The following KIRREL3 variants were observed in gnomAD, a reference collection of about 807,000 sequenced individuals.
The protein encoded by KIRREL3 is kirre like nephrin family adhesion molecule 3.
A neutral mutation model predicts 89.7 loss-of-function variants in KIRREL3; 36 were observed. The observed-to-expected ratio is 0.40, with a 90% CI of 0.31 to 0.53. The LOEUF is 0.53. Among genes scored for constraint, KIRREL3 ranks in the 20% least tolerant of loss-of-function variants. The pLI, the probability that KIRREL3 is intolerant of heterozygous loss-of-function variation, is 0.49. For synonymous variants in KIRREL3, 445 were observed against 441.4 expected (o/e 1.01, Z -0.10); for missense variants, 864 against 1,056.6 (o/e 0.82, Z 2.53).
At position 126,599,315 on chromosome 11, in the gene KIRREL3, C is replaced by T. The variant is rs143952735; in HGVS notation, c.56-36403G>A. On this transcript the variant is annotated intron_variant, in intron 1 of 16. Transcript: ENST00000525144. ...TTGTCTCAGCCGCATTGTCCCTGCT[C>T]GGTGTCTTGGCCCCTAATGGACTCT... 2.1e-4 allele frequency among the ~76,000 whole-genome samples: 32 copies of T among 152,342 alleles called. No individual in the cohort carries two copies. In the East Asian group the frequency reaches 4.1e-3, roughly 19 times the overall value.
In KIRREL3 at chr11:126,897,795, T is replaced by C. The variant is rs1204470508; in HGVS notation, c.55+102660A>G. Among the ~76,000 whole-genome samples, 1 of 152,230 alleles carries C rather than the reference T, an allele frequency of 6.6e-6. No individual in the cohort carries two copies. The highest frequency in any genetic ancestry group is 6.5e-5 in the Admixed American group (1 of 15,282). ...GAAAAAGAATTTAATGACCCTCTGA[T>C]ATAAAATTGATCCTCTGATAAGATG... On this transcript the variant is annotated intron_variant, in intron 1 of 16. Coordinates refer to ENST00000525144, the MANE Select transcript of KIRREL3 (RefSeq NM_032531.4). The surrounding 1 kb of genome is among the most constrained non-coding windows in gnomAD (Gnocchi z 4.2).
In KIRREL3 at chr11:126,965,920, A is replaced by G. The variant is rs912305416; in HGVS notation, c.55+34535T>C. ...TAGGTACTTGAGTGGACTGGCCTCA[A>G]CTTGTAGAATTTAGAGTTTTCAAAG... On this transcript the variant is annotated intron_variant, in intron 1 of 16. Transcript: ENST00000525144. The surrounding 1 kb of genome is among the most constrained non-coding windows in gnomAD (Gnocchi z 4.4). Among the ~76,000 whole-genome samples, 2 of 152,148 alleles carry G rather than the reference A, an allele frequency of 1.3e-5. No homozygotes were observed. The highest frequency in any genetic ancestry group is 2.9e-5 in the Non-Finnish European group (2 of 68,022).
chr11:126,567,072 G>A (rs1444450008), intron 1 of KIRREL3, among the ~76,000 whole-genome samples: 4 of 152,326 alleles, frequency 2.6e-5, no homozygotes, highest in Admixed American at 6.5e-5. Context: ...ACAGATCAGC[G>A]GTGTGGGCTG....
rs573190130 is a variant in KIRREL3 at position 126,850,829 on chromosome 11, G to A, written c.55+149626C>T. On this transcript the variant is annotated intron_variant, in intron 1 of 16. Transcript: ENST00000525144. Reference sequence around the variant, plus strand: ...ATAGATTAGGATCCTGGAGTACTCTGCCTGGGAGAAACCTTCAACTGGTTC... The same window carrying A: ...ATAGATTAGGATCCTGGAGTACTCTACCTGGGAGAAACCTTCAACTGGTTC... Among the ~76,000 whole-genome samples the A allele has an allele frequency of 2.0e-5, 3 of 152,318 alleles. No homozygotes were observed. In the East Asian group the frequency reaches 5.8e-4, roughly 29 times the overall value.
intron 1 of KIRREL3, among the ~76,000 whole-genome samples, chr11:126,799,360 ATC>A (rs1950936901): frequency 4.8e-5 from 1 of 20,684 alleles, no homozygotes; most frequent in Non-Finnish European, 1.0e-4. Flanking sequence ...CTCTGTGTGT[ATC>A]TGTGTATCTG....
In KIRREL3 at chr11:126,541,978, C is replaced by T. The variant is rs137914823; in HGVS notation, c.134-15291G>A. ...CGGTGGAGGCAGAGCTGAGGCAGCG[C>T]GGGAAGGACCGAGTCCTGCCCTCGG... On this transcript the variant is annotated intron_variant, in intron 2 of 16. Transcript: ENST00000525144. The surrounding 1 kb of genome is among the most constrained non-coding windows in gnomAD (Gnocchi z 4.8). Among the ~76,000 whole-genome samples, 12 of 152,320 alleles carry T rather than the reference C, an allele frequency of 7.9e-5. No homozygotes were observed. The highest frequency in any genetic ancestry group is 3.9e-4 in the East Asian group (2 of 5,190).
intron 1 of KIRREL3, among the ~76,000 whole-genome samples, chr11:126,751,060 A>G (rs1949319286): frequency 6.6e-6 from 1 of 152,242 alleles, no homozygotes; most frequent in Admixed American, 6.5e-5. Context: ...GACCAAATGT[A>G]TTTTATCTTA....
chr11:126,883,546 C>T lies in KIRREL3; in HGVS notation c.55+116909G>A, dbSNP rs899580315. Among the ~76,000 whole-genome samples, 5 of 152,066 alleles carry T rather than the reference C, an allele frequency of 3.3e-5. No individual in the cohort carries two copies. Among genetic ancestry groups the T allele is most frequent in the African/African-American group, 9.7e-5 (4 of 41,396 alleles). ...CTTCTCCACCTGGAAAAAATCCAAA[C>T]CTTTGATGAAGTTTGGGTAAAGTCA... On this transcript the variant is annotated intron_variant, in intron 1 of 16. Coordinates refer to ENST00000525144, the MANE Select transcript of KIRREL3 (RefSeq NM_032531.4). The surrounding 1 kb of genome is among the most constrained non-coding windows in gnomAD (Gnocchi z 4.1).
At chr11:126,716,891 G>A (rs1411289561) in intron 1 of KIRREL3, among the ~76,000 whole-genome samples, 2 of 151,972 alleles carry the variant, frequency 1.3e-5, no homozygotes, top group African/African-American at 4.8e-5. Context: ...CTTGTTGGCT[G>A]CTGACTCATT....
chr11:126,721,074 A>T (rs1948152938), intron 1 of KIRREL3, among the ~76,000 whole-genome samples: 1 of 152,242 alleles, frequency 6.6e-6, no homozygotes, highest in South Asian at 2.1e-4. Flanking sequence ...GCTGAGAGCC[A>T]AAGTGTTTTC....
rs558513043 is a variant in KIRREL3 at position 126,528,231 on chromosome 11, C to T, written c.134-1544G>A. On this transcript the variant is annotated intron_variant, in intron 2 of 16. Transcript: ENST00000525144. This position sits in a 1 kb window ranked among gnomAD's most constrained non-coding sequence, Gnocchi z 4.6. The stretch of plus-strand genomic sequence containing the variant: ...AGCTGCTGATGCTGTGGCCTCTCCT[C>T]CCCAACCCGGGAGAGTCAGGGGCAG... Among the ~76,000 whole-genome samples the T allele has an allele frequency of 2.6e-5, 4 of 152,344 alleles. No individual in the cohort carries two copies. In the South Asian group the frequency reaches 6.2e-4, roughly 24 times the overall value.
rs1038091174 is a variant in KIRREL3, at chr11:126,656,880, C to T, written c.56-93968G>A. 7.9e-5 allele frequency among the ~76,000 whole-genome samples: 12 copies of T among 151,944 alleles called. No individual in the cohort carries two copies. The highest frequency in any genetic ancestry group is 1.6e-4 in the Non-Finnish European group (11 of 67,988). ...CAGCCTGGCTGTCGTGGTGGGACCC[C>T]GTCTCTACTAGGAATACAGGGGTTG... On this transcript the variant is annotated intron_variant, in intron 1 of 16. Transcript: ENST00000525144. The surrounding 1 kb of genome is among the most constrained non-coding windows in gnomAD (Gnocchi z 4.0).
chr11:126,497,808 CCG>C (rs1468526267), intron 4 of KIRREL3, among the ~76,000 whole-genome samples: 1 of 152,196 alleles, frequency 6.6e-6, no homozygotes, highest in East Asian at 1.9e-4. Flanking sequence ...GGCCCCTATA[CCG>C]GTCCTGGGTG....
At chr11:126,438,669 A>G (rs1362705960) in intron 11 of KIRREL3, among the ~76,000 whole-genome samples, 1 of 152,262 alleles carries the variant, frequency 6.6e-6, no homozygotes, top group East Asian at 1.9e-4. Context: ...ATTTATAATT[A>G]AAAACATCAA....
At position 126,520,372 on chromosome 11, in the gene KIRREL3, C is replaced by T. The variant is rs997529670; in HGVS notation, c.433+943G>A. Among the ~76,000 whole-genome samples the T allele has an allele frequency of 6.6e-6, 1 of 152,144 alleles. No individual in the cohort carries two copies. Among genetic ancestry groups the T allele is most frequent in the Admixed American group, 6.5e-5 (1 of 15,272 alleles). The stretch of plus-strand genomic sequence containing the variant: ...GGGGCAGGTAGCCCTGGAGCCCTGG[C>T]CAGGAGCCCATGGGCCAAGCTCTTT... On this transcript the variant is annotated intron_variant, in intron 4 of 16. Transcript: ENST00000525144. This position sits in a 1 kb window ranked among gnomAD's most constrained non-coding sequence, Gnocchi z 4.9.
At chr11:126,500,739 C>CA (rs10556780) in intron 4 of KIRREL3, among the ~76,000 whole-genome samples, 54,546 of 132,914 alleles carry the variant, frequency 0.41, 12,117 homozygotes, top group African/African-American at 0.58. Flanking sequence ...GACTTTAACT[C>CA]AAAAAAAAAA....
At position 126,655,707 on chromosome 11, in the gene KIRREL3, G is replaced by T. The variant is rs551155101; in HGVS notation, c.56-92795C>A. On this transcript the variant is annotated intron_variant, in intron 1 of 16. Transcript: ENST00000525144. The surrounding 1 kb of genome is among the most constrained non-coding windows in gnomAD (Gnocchi z 5.0). ...GGCTGTGTCTCAAGCATTTCAGGGGGCTGCAGATTTAGGGGGACAGTCCTG... is the reference window on the plus strand; with the variant it reads ...GGCTGTGTCTCAAGCATTTCAGGGGTCTGCAGATTTAGGGGGACAGTCCTG... 6.6e-6 allele frequency among the ~76,000 whole-genome samples: 1 copy of T among 152,254 alleles called. No individual in the cohort carries two copies. The highest frequency in any genetic ancestry group is 6.5e-5 in the Admixed American group (1 of 15,292).
chr11:126,508,848 G>A lies in KIRREL3; in HGVS notation c.433+12467C>T, dbSNP rs1958110058. On this transcript the variant is annotated intron_variant, in intron 4 of 16. Coordinates refer to ENST00000525144, the MANE Select transcript of KIRREL3 (RefSeq NM_032531.4). This position sits in a 1 kb window ranked among gnomAD's most constrained non-coding sequence, Gnocchi z 4.9. ...AGAGGGCAGATGAAGGCATGCGAGTGGGTTCCTCAGCACAGTGCCTGTCAT... is the reference window on the plus strand; with the variant it reads ...AGAGGGCAGATGAAGGCATGCGAGTAGGTTCCTCAGCACAGTGCCTGTCAT... 6.6e-6 allele frequency among the ~76,000 whole-genome samples: 1 copy of A among 152,168 alleles called. No individual in the cohort carries two copies. Among genetic ancestry groups the A allele is most frequent in the Admixed American group, 6.5e-5 (1 of 15,280 alleles).
At chr11:126,524,417 G>A (rs1057377492) in intron 3 of KIRREL3, among the ~76,000 whole-genome samples, 1 of 152,206 alleles carries the variant, frequency 6.6e-6, no homozygotes, top group Non-Finnish European at 1.5e-5. Context: ...CAGGTCTCAT[G>A]TGCTGGGATT....
Sources: gnomAD v4.1 joint callset for allele counts (sites outside exome capture counted in the v4.1 genomes callset) on GRCh38, gnomAD v4.1.1 for gene constraint, Gnocchi (gnomAD v3.1) non-coding constraint, MANE v1.5 for transcripts, NCBI Gene and HGNC (gene_info 2026-07-23, HGNC 2026-07-21) for gene names.